TBC1D2: variants seen among roughly 807,000 people sequenced by gnomAD.
TBC1D2 encodes TBC1 domain family member 2A.
TBC1D2 carries 58 observed loss-of-function variants against 91.1 expected under a neutral mutation model. That is an observed-to-expected ratio of 0.64 (90% CI 0.52 to 0.79). TBC1D2 has a LOEUF of 0.79. Among genes scored for constraint, TBC1D2 ranks in the 30% least tolerant of loss-of-function variants. The pLI, the probability that TBC1D2 is intolerant of heterozygous loss-of-function variation, is 0.00. For missense variants in TBC1D2, 1,080 were observed against 1,208.3 expected (o/e 0.89, Z 1.57); for synonymous variants, 482 against 511.5 (o/e 0.94, Z 0.78).
intron 3 of TBC1D2, among the ~76,000 whole-genome samples, chr9:98,234,317 G>C (rs1048605937): frequency 1.5e-4 from 23 of 152,172 alleles, no homozygotes; most frequent in African/African-American, 5.3e-4. Flanking sequence ...AAGGGAACTA[G>C]ATAGTACCAA....
rs1320456118 is a variant in TBC1D2, at chr9:98,213,161, C to G, written c.1432G>C (p.Val478Leu). 6.2e-7 allele frequency: 1 copy of G among 1,614,164 alleles called. No homozygotes were observed. Among genetic ancestry groups the G allele is most frequent in the Non-Finnish European group, 8.5e-7 (1 of 1,180,038 alleles). Residue 478 changes from valine to leucine, a missense_variant, in exon 7 of 13, where the codon GTC (valine) becomes CTC (leucine). Transcript: ENST00000465784. ...NCFLNSEIHQ[V>L]TKIWRKVAEK... ...GCCACCTTTCTCCAGATCTTTGTGA[C>G]CTGGTGGATCTCGGAGTTGAGGAAG... is the stretch of plus-strand genomic sequence containing the variant.
At chr9:98,221,849 C>A (rs980251037) in intron 5 of TBC1D2, among the ~76,000 whole-genome samples, 1 of 152,192 alleles carries the variant, frequency 6.6e-6, no homozygotes, top group African/African-American at 2.4e-5. Context: ...CCACCTTAGC[C>A]TCTCAAGTAG....
At chr9:98,251,049 G>A (rs540889145) in intron 2 of TBC1D2, among the ~76,000 whole-genome samples, 34 of 152,294 alleles carry the variant, frequency 2.2e-4, no homozygotes, top group Non-Finnish European at 4.4e-4. Flanking sequence ...CACTTTGGGA[G>A]GCTGAGGCGG....
intron 5 of TBC1D2, among the ~76,000 whole-genome samples, chr9:98,227,900 A>C (rs116049399): frequency 1.7e-3 from 258 of 152,316 alleles, no homozygotes; most frequent in African/African-American, 6.0e-3. Context: ...GAGGGGCCAA[A>C]CTAGGTATAG....
chr9:98,223,899 A>G (rs1178614816), intron 5 of TBC1D2, among the ~76,000 whole-genome samples: 2 of 152,226 alleles, frequency 1.3e-5, no homozygotes, highest in Non-Finnish European at 2.9e-5. Context: ...TCTTAGGACC[A>G]ATTCTTAAAA....
At chr9:98,200,904 T>C (rs546442438) in intron 11 of TBC1D2, among the ~76,000 whole-genome samples, 2 of 151,878 alleles carry the variant, frequency 1.3e-5, no homozygotes, top group South Asian at 4.2e-4. Flanking sequence ...TAATCCCAGC[T>C]ACTCCGGAGG....
intron 3 of TBC1D2, among the ~76,000 whole-genome samples, chr9:98,236,182 C>G (rs1352046979): frequency 1.3e-5 from 2 of 152,092 alleles, no homozygotes; most frequent in African/African-American, 2.4e-5. Flanking sequence ...CATCTTAACT[C>G]AAGAAGATTG....
At chr9:98,241,904 G>C (rs116309470) in intron 3 of TBC1D2, among the ~76,000 whole-genome samples, 2,619 of 151,524 alleles carry the variant, frequency 0.017, 71 homozygotes, top group African/African-American at 0.06. Flanking sequence ...AAATGCCTGT[G>C]GGGGAGCTCT....
At chr9:98,239,833 A>G (rs1829593704) in intron 3 of TBC1D2, among the ~76,000 whole-genome samples, 1 of 152,002 alleles carries the variant, frequency 6.6e-6, no homozygotes, top group African/African-American at 2.4e-5. Flanking sequence ...TTATTTATTT[A>G]TTTTACTAAT....
In TBC1D2 at chr9:98,218,484, G is replaced by A. The variant is rs191291337; in HGVS notation, c.1374+2349C>T. Among the ~76,000 whole-genome samples the A allele has an allele frequency of 8.7e-3, 1,328 of 152,158 alleles. 19 individuals carry two copies. Among genetic ancestry groups the A allele is most frequent in the African/African-American group, 0.03 (1,251 of 41,504 alleles). On this transcript the variant is annotated intron_variant, in intron 6 of 12. Transcript: ENST00000465784. The stretch of plus-strand genomic sequence containing the variant: ...CAGGAGGCTGAGGCAGGAGAATGGC[G>A]TGAACCTGGGAGGCGGAGCTTGCAG...
intron 2 of TBC1D2, among the ~76,000 whole-genome samples, chr9:98,247,152 A>G (rs909765644): frequency 6.6e-6 from 1 of 151,780 alleles, no homozygotes; most frequent in Non-Finnish European, 1.5e-5. Flanking sequence ...ACGTGGGGAA[A>G]CCCATCTCTA....
intron 3 of TBC1D2, 34 bp from the exon 4 acceptor site, chr9:98,233,583 T>A (rs1174132381): frequency 1.9e-6 from 3 of 1,609,718 alleles, no homozygotes. Flanking sequence ...AGCATGAGGC[T>A]GAACCCTGCC....
At position 98,255,610 on chromosome 9, in the gene TBC1D2, C is replaced by G; in HGVS notation, c.-69G>C. 7.1e-7 allele frequency: 1 copy of G among 1,408,200 alleles called. No individual in the cohort carries two copies. Among genetic ancestry groups the G allele is most frequent in the Non-Finnish European group, 9.2e-7 (1 of 1,084,764 alleles). The allele number at this position is 1,408,200 out of a possible 1,614,324, so 87.2% of individuals were successfully genotyped here. A position where few individuals can be genotyped will look rare whatever the true frequency, so the allele number is the denominator to read the frequency against. ...CCACCAGGGACAAATCTCGGAGACT[C>G]GGCGGGCAGCTTCCCAAAGGGAGAC... On this transcript the variant is annotated 5_prime_UTR_variant, in exon 1 of 13. Transcript: ENST00000465784.
In TBC1D2 at chr9:98,221,238, G is replaced by C. The variant is rs1296365214; in HGVS notation, c.979-10C>G. ...GGATCTTCACTAGCTCCTGGGCAGG[G>C]AGAGGGAAGAATCTTGTGAGCTCAG... On this transcript the variant is annotated splice_polypyrimidine_tract_variant and intron_variant, in intron 5 of 12. Coordinates refer to ENST00000465784, the MANE Select transcript of TBC1D2 (RefSeq NM_001267571.2). The C allele has an allele frequency of 6.6e-7, 1 of 1,525,200 alleles. No individual in the cohort carries two copies. Among genetic ancestry groups the C allele is most frequent in the South Asian group, 1.2e-5 (1 of 80,522 alleles). The allele number at this position is 1,525,200 out of a possible 1,614,324, so 94.5% of individuals were successfully genotyped here.
At position 98,210,719 on chromosome 9, in the gene TBC1D2, T is replaced by C; in HGVS notation, c.1610A>G (p.Gln537Arg). ...CCCAGCTTCCCACTGCAGTGCCTCC[T>C]GGACAAGCTGCCTCAGCAGCTCTGA... ...ECSELLRQLV[Q>R]EALQWEAGEA... The change falls in exon 8 of 13, where the codon CAG becomes CGG. Residue 537 changes from glutamine to arginine, a missense_variant. By Grantham distance (43) the Gln-to-Arg change is conservative. Coordinates refer to ENST00000465784, the MANE Select transcript of TBC1D2 (RefSeq NM_001267571.2). 6.3e-7 allele frequency: 1 copy of C among 1,598,236 alleles called. No homozygotes were observed.
At chr9:98,211,962 T>C (rs1266486336) in intron 7 of TBC1D2, among the ~76,000 whole-genome samples, 1 of 152,084 alleles carries the variant, frequency 6.6e-6, no homozygotes, top group East Asian at 1.9e-4. Flanking sequence ...CACGCCCAGC[T>C]AATTTTTGTA....
At chr9:98,221,369 A>C (rs1829098770) in intron 5 of TBC1D2, 141 bp from the exon 6 acceptor site, 2 of 1,074,134 alleles carry the variant, frequency 1.9e-6, no homozygotes, top group Non-Finnish European at 2.6e-6. Flanking sequence ...CCTGACACTC[A>C]CTTTCTCCTT....
rs967138384 is a variant in TBC1D2, at chr9:98,228,107, G to A, written c.978+845C>T. On this transcript the variant is annotated intron_variant, in intron 5 of 12. Transcript: ENST00000465784. This position sits in a 1 kb window ranked among gnomAD's most constrained non-coding sequence, Gnocchi z 4.0. Reference sequence around the variant, plus strand: ...CCAAAGTTCAAACACAAAAGCTTAGGCCTTCCTCTAGAGGAAAAGGAGTCT... The same window carrying A: ...CCAAAGTTCAAACACAAAAGCTTAGACCTTCCTCTAGAGGAAAAGGAGTCT... 4.6e-5 allele frequency among the ~76,000 whole-genome samples: 7 copies of A among 152,172 alleles called. No individual in the cohort carries two copies. The highest frequency in any genetic ancestry group is 1.0e-4 in the Non-Finnish European group (7 of 68,028).
intron 2 of TBC1D2, 129 bp from the exon 3 acceptor site, chr9:98,244,258 G>A (rs1165325596): frequency 5.9e-5 from 72 of 1,229,724 alleles, no homozygotes; most frequent in South Asian, 1.4e-4. Context: ...GGGCAAGCAG[G>A]CCCTCCCTGT....
Sources: gnomAD v4.1 joint callset for allele counts (sites outside exome capture counted in the v4.1 genomes callset) on GRCh38, gnomAD v4.1.1 for gene constraint, Gnocchi (gnomAD v3.1) non-coding constraint, MANE v1.5 for transcripts, NCBI Gene and HGNC (gene_info 2026-07-23, HGNC 2026-07-21) for gene names.